Variants in PITPNC1 observed in about 807,000 individuals in gnomAD.
The protein encoded by PITPNC1 is phosphatidylinositol transfer protein cytoplasmic 1, also known as cytoplasmic phosphatidylinositol transfer protein 1.
A neutral mutation model predicts 44.7 loss-of-function variants in PITPNC1; 18 were observed. The observed-to-expected ratio is 0.40, with a 90% CI of 0.28 to 0.60. PITPNC1 has a LOEUF of 0.60. Among genes scored for constraint, PITPNC1 ranks in the 20% least tolerant of loss-of-function variants. PITPNC1 has a pLI of 0.39. For synonymous variants in PITPNC1, 141 were observed against 149.6 expected (o/e 0.94, Z 0.42); for missense variants, 290 against 418.4 (o/e 0.69, Z 2.68).
chr17:67,554,490 T>A (rs983103507), intron 4 of PITPNC1, among the ~76,000 whole-genome samples: 1 of 152,138 alleles, frequency 6.6e-6, no homozygotes, highest in African/African-American at 2.4e-5. Flanking sequence ...ACTCCTGACC[T>A]TAGGCGATCC....
Position 67,694,238 on chromosome 17 carries a change from G to A in PITPNC1, c.*1350G>A, listed in dbSNP as rs886426645. 5.9e-5 allele frequency: 9 copies of A among 152,192 alleles called. No individual in the cohort carries two copies. The highest frequency in any genetic ancestry group is 2.2e-4 in the African/African-American group (9 of 41,434). The allele number at this position is 152,192 out of a possible 1,614,324, so 9.4% of individuals were successfully genotyped here. On this transcript the variant is annotated 3_prime_UTR_variant, in exon 9 of 9. Transcript: ENST00000581322. ...CACCTCACTGCCTTTAAACACAGAC[G>A]GGAGGGCAGGCCAAATCTCAGCATT... is the stretch of plus-strand genomic sequence containing the variant.
intron 1 of PITPNC1, among the ~76,000 whole-genome samples, chr17:67,426,101 G>C (rs1324649772): frequency 3.3e-5 from 5 of 152,028 alleles, no homozygotes; most frequent in Admixed American, 3.3e-4. Context: ...AAATTCTTTT[G>C]AATATAAATT....
rs965838187 is a variant in PITPNC1 at position 67,597,230 on chromosome 17, G to T, written c.366+18973G>T. 2.0e-5 allele frequency among the ~76,000 whole-genome samples: 3 copies of T among 151,980 alleles called. No individual in the cohort carries two copies. The highest frequency in any genetic ancestry group is 7.3e-5 in the African/African-American group (3 of 41,374). ...ATATAAGCCATTTATCATAGTTCCT[G>T]ACATATCATAGATGTTCAGTAAATA... On this transcript the variant is annotated intron_variant, in intron 5 of 8. Coordinates refer to ENST00000581322, the MANE Select transcript of PITPNC1 (RefSeq NM_012417.4). The surrounding 1 kb of genome is among the most constrained non-coding windows in gnomAD (Gnocchi z 4.0).
chr17:67,455,721 C>T (rs112412874), intron 1 of PITPNC1, among the ~76,000 whole-genome samples: 5 of 151,948 alleles, frequency 3.3e-5, no homozygotes, highest in Non-Finnish European at 2.9e-5. Flanking sequence ...GGATTACAGA[C>T]GTGAGCCACC....
At position 67,533,060 on chromosome 17, in the gene PITPNC1, C is replaced by T. The variant is rs370451240; in HGVS notation, c.197+110C>T. 96 of 771,770 alleles carry T rather than the reference C, an allele frequency of 1.2e-4. No individual in the cohort carries two copies. The South Asian group carries it at 1.6e-3, about 13-fold the overall frequency. 47.8% of individuals were successfully genotyped at this position (771,770 alleles called of 1,614,324 possible). ...GATGAAAAGGTCACTTGGAAAGTAA[C>T]TACGTCCACCGTCTACGACCACCAA... On this transcript the variant is annotated intron_variant, in intron 2 of 8. Coordinates refer to ENST00000581322, the MANE Select transcript of PITPNC1 (RefSeq NM_012417.4).
intron 6 of PITPNC1, among the ~76,000 whole-genome samples, chr17:67,661,809 C>T (rs1237349223): frequency 6.6e-6 from 1 of 152,096 alleles, no homozygotes; most frequent in Non-Finnish European, 1.5e-5. Context: ...CCAGCCTGGC[C>T]AACATGGTGA....
At chr17:67,413,609 C>T (rs906707333) in intron 1 of PITPNC1, among the ~76,000 whole-genome samples, 4 of 152,074 alleles carry the variant, frequency 2.6e-5, no homozygotes, top group African/African-American at 9.7e-5. Context: ...CTGCTGCTTC[C>T]GTGGTTCACA....
intron 5 of PITPNC1, among the ~76,000 whole-genome samples, chr17:67,600,134 C>T (rs1003201507): frequency 1.4e-4 from 22 of 152,058 alleles, no homozygotes; most frequent in Non-Finnish European, 2.2e-4. Context: ...GTGAAAGGAA[C>T]CTGAAAAGAA....
intron 1 of PITPNC1, among the ~76,000 whole-genome samples, chr17:67,381,323 A>G (rs1312425027): frequency 1.6e-5 from 2 of 122,048 alleles, no homozygotes; most frequent in East Asian, 5.1e-4. Context: ...ACAAGACTCC[A>G]CTCAAAAAAA....
At chr17:67,460,740 C>CTTTTT (rs138545288) in intron 1 of PITPNC1, among the ~76,000 whole-genome samples, 7 of 121,542 alleles carry the variant, frequency 5.8e-5, no homozygotes, top group East Asian at 2.9e-4. Flanking sequence ...TTCTTTCTTT[C>CTTTTT]TTTTTTTTTT....
Position 67,555,693 on chromosome 17 carries a change from A to T in PITPNC1, c.294+2076A>T, listed in dbSNP as rs2040829390. On this transcript the variant is annotated intron_variant, in intron 4 of 8. Transcript: ENST00000581322. ...AATACAAAAAAAAAAAAAAAAAAAAAGGTAGTTGGGTGTGGTGGCGGGCGC... is the reference window on the plus strand; with the variant it reads ...AATACAAAAAAAAAAAAAAAAAAAATGGTAGTTGGGTGTGGTGGCGGGCGC... Among the ~76,000 whole-genome samples, 3 of 78,172 alleles carry T rather than the reference A, an allele frequency of 3.8e-5. No homozygotes were observed. In the South Asian group the frequency reaches 1.4e-3, roughly 36 times the overall value. The allele number at this position is 78,172 out of a possible 152,430, so 51.3% of individuals were successfully genotyped here.
At chr17:67,519,641 A>G (rs751349995) in intron 1 of PITPNC1, among the ~76,000 whole-genome samples, 1 of 152,138 alleles carries the variant, frequency 6.6e-6, no homozygotes, top group Non-Finnish European at 1.5e-5. Flanking sequence ...TCTTAGGCCA[A>G]CTATGGCCTA....
chr17:67,408,924 A>T (rs2038447281), intron 1 of PITPNC1: 1 of 152,054 alleles, frequency 6.6e-6, no homozygotes, highest in Admixed American at 6.6e-5. Flanking sequence ...TTTAACATCT[A>T]AGAAAACATT....
At chr17:67,500,164 C>T (rs2040007060) in intron 1 of PITPNC1, among the ~76,000 whole-genome samples, 1 of 152,184 alleles carries the variant, frequency 6.6e-6, no homozygotes, top group Non-Finnish European at 1.5e-5. Flanking sequence ...GCATTTCTGT[C>T]TCTGTTTCTT....
intron 1 of PITPNC1, among the ~76,000 whole-genome samples, chr17:67,488,603 A>G (rs9630737): frequency 0.037 from 5,609 of 152,284 alleles, 201 homozygotes; most frequent in African/African-American, 0.098. Flanking sequence ...AAAATTTACC[A>G]TCTTAACCAT....
At chr17:67,559,800 A>C (rs991816883) in intron 4 of PITPNC1, among the ~76,000 whole-genome samples, 1 of 152,146 alleles carries the variant, frequency 6.6e-6, no homozygotes, top group Non-Finnish European at 1.5e-5. Flanking sequence ...CCTTGAACCC[A>C]GGAAGTGGAG....
chr17:67,481,948 T>C (rs1015573397), intron 1 of PITPNC1, among the ~76,000 whole-genome samples: 1 of 152,200 alleles, frequency 6.6e-6, no homozygotes, highest in African/African-American at 2.4e-5. Flanking sequence ...AAGGCTTAGA[T>C]AAATTGAAAG....
At position 67,627,228 on chromosome 17, in the gene PITPNC1, G is replaced by A. The variant is rs1056302579; in HGVS notation, c.367-4915G>A. ...AGATCGTGCCATCGCACTCCAGCCC[G>A]GGGGACAAGAGTGAGACTTCATCTC... On this transcript the variant is annotated intron_variant, in intron 5 of 8. Transcript: ENST00000581322. 2.6e-5 allele frequency among the ~76,000 whole-genome samples: 4 copies of A among 152,322 alleles called. No individual in the cohort carries two copies. The East Asian group carries it at 5.8e-4, about 22-fold the overall frequency.
chr17:67,516,712 A>C (rs2040264048), intron 1 of PITPNC1, among the ~76,000 whole-genome samples: 1 of 152,128 alleles, frequency 6.6e-6, no homozygotes, highest in East Asian at 1.9e-4. Context: ...ATCACCTCCC[A>C]GGTTCAAGCG....
Sources: allele counts gnomAD v4.1 joint callset (sites outside exome capture counted in the v4.1 genomes callset), GRCh38; gene constraint gnomAD v4.1.1; non-coding constraint Gnocchi (gnomAD v3.1); transcripts MANE v1.5; gene names NCBI Gene and HGNC (gene_info 2026-07-23, HGNC 2026-07-21).